The following DMD variants were observed in gnomAD, a reference collection of about 807,000 sequenced individuals.
DMD encodes the protein dystrophin.
DMD carries 63 observed loss-of-function variants against 330.1 expected under a neutral mutation model. The ratio of observed to expected loss-of-function variants is 0.19; its 90% CI spans 0.16 to 0.24. The LOEUF (loss-of-function observed/expected upper bound fraction) is 0.24. Ranked by LOEUF, DMD falls within the 10% of genes least tolerant of loss-of-function variation. DMD has a pLI of 1.00. For synonymous variants in DMD, 1,223 were observed against 959.8 expected, an observed-to-expected ratio of 1.27 and a Z score of -5.07; for missense variants, 3,344 against 2,684.1, an observed-to-expected ratio of 1.25 and a Z score of -5.43.
chrX:31,630,952 G>C (rs981247077), intron 54 of DMD, among the ~76,000 whole-genome samples: 2 of 111,814 alleles, frequency 1.8e-5, no homozygotes, highest in Non-Finnish European at 3.8e-5. Flanking sequence ...GATGGAGTAA[G>C]GAATAATGTG....
chrX:31,814,340 G>A (rs541311855), intron 50 of DMD, among the ~76,000 whole-genome samples: 1 of 106,877 alleles, frequency 9.4e-6, no homozygotes, highest in South Asian at 4.3e-4. Flanking sequence ...AAAATTAGCC[G>A]GGCGTGGTGG....
At chrX:32,456,404 ATGC>A (rs1282810666) in intron 25 of DMD, among the ~76,000 whole-genome samples, 1 of 111,232 alleles carries the variant, frequency 9.0e-6, no homozygotes, top group African/African-American at 3.3e-5. Context: ...TTAAGAAAAC[ATGC>A]TGCTATTTTT....
At position 32,821,567 on chromosome X, in the gene DMD, G is replaced by A. The variant is rs1010130589; in HGVS notation, c.357+1728C>T. ...CGCGCCACTGCACTCCAGCCTGGGC[G>A]ACAGAGCAAGACTCTGTCTCAAAAT... On this transcript the variant is annotated intron_variant, in intron 5 of 78. Transcript: ENST00000357033. Among the ~76,000 whole-genome samples the A allele has an allele frequency of 1.0e-4, 11 of 108,301 alleles. No homozygotes were observed. The South Asian group carries it at 1.2e-3, about 12-fold the overall frequency. The allele number at this position is 108,301 out of a possible 115,157, so 94.0% of individuals were successfully genotyped here.
At chrX:32,437,737 G>T (rs936278443) in intron 29 of DMD, among the ~76,000 whole-genome samples, 3 of 112,442 alleles carry the variant, frequency 2.7e-5, no homozygotes, top group Non-Finnish European at 5.6e-5. Flanking sequence ...CACTGACTAG[G>T]AGAAATTTGC....
intron 13 of DMD, among the ~76,000 whole-genome samples, chrX:32,577,641 C>G (rs940717032): frequency 8.9e-6 from 1 of 112,084 alleles, no homozygotes; most frequent in Admixed American, 9.5e-5. Flanking sequence ...AGAAAGGCAC[C>G]CATTAAATCT....
intron 43 of DMD, among the ~76,000 whole-genome samples, chrX:32,274,362 G>A (rs2097377166): frequency 1.8e-5 from 2 of 112,067 alleles, no homozygotes; most frequent in South Asian, 3.7e-4. Flanking sequence ...CTGAGATTAT[G>A]TGAATTTTAT....
At chrX:32,597,137 T>C (rs2055645125) in intron 12 of DMD, among the ~76,000 whole-genome samples, 1 of 111,836 alleles carries the variant, frequency 8.9e-6, no homozygotes, top group Admixed American at 9.5e-5. Flanking sequence ...GTTTAAATCA[T>C]TTCTTTATCA....
chrX:32,882,031 T>C (rs1291779611), intron 2 of DMD, among the ~76,000 whole-genome samples: 2 of 112,269 alleles, frequency 1.8e-5, no homozygotes, highest in Non-Finnish European at 3.8e-5. Context: ...CACTTTTTAG[T>C]AACAAGCTAT....
At chrX:31,311,496 C>T (rs920435122) in intron 62 of DMD, among the ~76,000 whole-genome samples, 3 of 111,331 alleles carry the variant, frequency 2.7e-5, no homozygotes, top group African/African-American at 6.5e-5. Context: ...TTTTCTGCTC[C>T]ATTGGTCTAT....
Position 31,905,895 on chromosome X carries a change from G to A in DMD, c.6912+23701C>T, listed in dbSNP as rs895109740. Among the ~76,000 whole-genome samples, 6 of 111,781 alleles carry A rather than the reference G, an allele frequency of 5.4e-5. No individual in the cohort carries two copies. In the Admixed American group the frequency reaches 5.7e-4, roughly 11 times the overall value. On this transcript the variant is annotated intron_variant, in intron 47 of 78. Transcript: ENST00000357033. ...TTCAAAATGCATGAAAAATTATAAA[G>A]TGAATTTTTAAATGGTTCATGAAAT...
At position 32,568,923 on chromosome X, in the gene DMD, A is replaced by G. The variant is rs181991212; in HGVS notation, c.1813-3042T>C. Among the ~76,000 whole-genome samples, 5 of 112,430 alleles carry G rather than the reference A, an allele frequency of 4.4e-5. No individual in the cohort carries two copies. In the East Asian group the frequency reaches 1.4e-3, roughly 31 times the overall value. On this transcript the variant is annotated intron_variant, in intron 15 of 78. Coordinates refer to ENST00000357033, the MANE Select transcript of DMD (RefSeq NM_004006.3). ...GCATATTAAATAACTATGATTTGTTACTAATTATTGCATAAAATATGTATT... is the reference window on the plus strand; with the variant it reads ...GCATATTAAATAACTATGATTTGTTGCTAATTATTGCATAAAATATGTATT...
chrX:32,046,832 A>T (rs1444718646), intron 44 of DMD, among the ~76,000 whole-genome samples: 2 of 111,932 alleles, frequency 1.8e-5, no homozygotes, highest in Non-Finnish European at 3.8e-5. Flanking sequence ...TTGCCACATG[A>T]CCTGTGGGAA....
chrX:32,367,098 T>C (rs2097857190), intron 34 of DMD, among the ~76,000 whole-genome samples: 1 of 112,216 alleles, frequency 8.9e-6, no homozygotes, highest in Admixed American at 9.5e-5. Flanking sequence ...CAATATATTC[T>C]GGGAGATTAT....
chrX:32,562,836 C>G (rs1258450091), intron 16 of DMD, among the ~76,000 whole-genome samples: 3 of 111,508 alleles, frequency 2.7e-5, no homozygotes, highest in Non-Finnish European at 5.6e-5. Flanking sequence ...AGCTCCATTT[C>G]TACCTTCCTG....
intron 74 of DMD, among the ~76,000 whole-genome samples, chrX:31,153,309 T>C (rs745787130): frequency 2.9e-4 from 33 of 112,210 alleles, no homozygotes; most frequent in African/African-American, 1.0e-3. Flanking sequence ...TTCATGTTGC[T>C]TTTAAGTGTA....
intron 60 of DMD, among the ~76,000 whole-genome samples, chrX:31,369,489 T>C (rs2059431031): frequency 8.9e-6 from 1 of 112,205 alleles, no homozygotes; most frequent in Non-Finnish European, 1.9e-5. Flanking sequence ...TCATGTTAGA[T>C]TTAAAGATAA....
At chrX:31,433,292 C>A (rs1040487407) in intron 60 of DMD, among the ~76,000 whole-genome samples, 5 of 111,669 alleles carry the variant, frequency 4.5e-5, no homozygotes, top group Non-Finnish European at 7.5e-5. Context: ...TTTATCCAAT[C>A]CACCATTGAT....
intron 51 of DMD, among the ~76,000 whole-genome samples, chrX:31,745,893 TAAG>T (rs2087789774): frequency 9.3e-6 from 1 of 107,106 alleles, no homozygotes; most frequent in African/African-American, 3.6e-5. Flanking sequence ...TTATCAGTGA[TAAG>T]AAGTATTAAC....
At chrX:32,133,530 A>G (rs1646818413) in intron 44 of DMD, among the ~76,000 whole-genome samples, 1 of 111,842 alleles carries the variant, frequency 8.9e-6, no homozygotes, top group African/African-American at 3.2e-5. Flanking sequence ...TGCCTATTCA[A>G]TATATCTGGT....
Sources: allele counts gnomAD v4.1 joint callset (sites outside exome capture counted in the v4.1 genomes callset), GRCh38; gene constraint gnomAD v4.1.1; transcripts MANE v1.5; gene names NCBI Gene and HGNC (gene_info 2026-07-23, HGNC 2026-07-21).